Variants in SNED1 observed in about 807,000 individuals in gnomAD.
SNED1 encodes sushi, nidogen and EGF-like domain-containing protein 1.
Under a neutral mutation model 166.7 loss-of-function variants are expected in SNED1, and 81 were observed. That is an observed-to-expected ratio of 0.49 (90% CI 0.41 to 0.58). The LOEUF is 0.58. Ranked by LOEUF, SNED1 falls within the 20% of genes least tolerant of loss-of-function variation. The probability of loss-of-function intolerance (pLI) is 0.00; values close to 1 mark genes in which losing one functional copy is unlikely to be tolerated. For synonymous variants in SNED1, 762 were observed against 822.0 expected (o/e 0.93, Z 1.25); for missense variants, 1,604 against 2,000.2 (o/e 0.80, Z 3.78).
intron 29 of SNED1, 97 bp downstream of exon 29, chr2:241,082,461 G>A: frequency 1.2e-6 from 1 of 839,610 alleles, no homozygotes; most frequent in Non-Finnish European, 1.9e-6. Flanking sequence ...CCTGAGGAGG[G>A]ACGATGGCTG....
chr2:241,023,380 AGTT>A (rs1373645954), intron 1 of SNED1, among the ~76,000 whole-genome samples: 1 of 151,516 alleles, frequency 6.6e-6, no homozygotes, highest in Admixed American at 6.6e-5. Context: ...CTACTTTTTA[AGTT>A]GTTATTTCTA....
chr2:241,027,694 A>T (rs935721670), intron 1 of SNED1, among the ~76,000 whole-genome samples: 2 of 149,376 alleles, frequency 1.3e-5, no homozygotes, highest in Non-Finnish European at 3.0e-5. Flanking sequence ...AAGGGTTCCA[A>T]TTTCTCCACA....
Position 241,088,414 on chromosome 2 carries a change from C to G in SNED1, c.*1+12C>G. On this transcript the variant is annotated intron_variant, in intron 31 of 31. Coordinates refer to ENST00000310397, the MANE Select transcript of SNED1 (RefSeq NM_001080437.3). The stretch of plus-strand genomic sequence containing the variant: ...GGAGAAATCTTAAGGTACGTCCCTG[C>G]TGCTCCCGCCCCACTACCACAGAGC... 6.2e-7 allele frequency: 1 copy of G among 1,607,032 alleles called. No individual in the cohort carries two copies. The highest frequency in any genetic ancestry group is 8.5e-7 in the Non-Finnish European group (1 of 1,173,732).
chr2:241,060,950 A>T (rs2062211696), intron 16 of SNED1, among the ~76,000 whole-genome samples: 1 of 152,162 alleles, frequency 6.6e-6, no homozygotes, highest in Non-Finnish European at 1.5e-5. Context: ...AACCAAAAAA[A>T]ACTATATAAT....
intron 1 of SNED1, among the ~76,000 whole-genome samples, chr2:241,019,730 G>A (rs947053831): frequency 3.3e-5 from 5 of 152,164 alleles, no homozygotes; most frequent in Non-Finnish European, 5.9e-5. Context: ...CTGCACGAGC[G>A]GCCCAGGCTG....
rs146235973 is a variant in SNED1 at position 241,002,620 on chromosome 2, C to T, written c.213+3570C>T. ...GAGCCTGATGACTCCAGGTCAAGGC[C>T]ATGAGCCCAGGACAGCTGTGATCTG... On this transcript the variant is annotated intron_variant, in intron 1 of 31. Coordinates refer to ENST00000310397, the MANE Select transcript of SNED1 (RefSeq NM_001080437.3). Among the ~76,000 whole-genome samples, 200 of 152,188 alleles carry T rather than the reference C, an allele frequency of 1.3e-3. 2 individuals are homozygous for T. The highest frequency in any genetic ancestry group is 4.6e-3 in the African/African-American group (189 of 41,528).
chr2:241,003,248 A>T (rs181484672), intron 1 of SNED1, among the ~76,000 whole-genome samples: 1 of 151,634 alleles, frequency 6.6e-6, no homozygotes, highest in Non-Finnish European at 1.5e-5. Context: ...TGTGCACCCC[A>T]TGAAGGCAGG....
chr2:241,003,360 C>G (rs2060131147), intron 1 of SNED1, among the ~76,000 whole-genome samples: 1 of 152,196 alleles, frequency 6.6e-6, no homozygotes, highest in South Asian at 2.1e-4. Context: ...GTGAAGGACT[C>G]TCTCTTCCAC....
Position 240,999,243 on chromosome 2 carries a change from G to GGGCGGGGGCGGCAGCCGCCGGGCACCGA in SNED1, c.213+204_213+231dup, listed in dbSNP as rs2060003326. On this transcript the variant is annotated intron_variant, in intron 1 of 31. Coordinates refer to ENST00000310397, the MANE Select transcript of SNED1 (RefSeq NM_001080437.3). The surrounding 1 kb of genome is among the most constrained non-coding windows in gnomAD (Gnocchi z 5.8). Reference sequence around the variant, plus strand: ...GGCCCGCGGGAGAGGCGCGCGGGCGGGGCGGGGGCGGCAGCCGCCGGGCAC... The same window carrying GGGCGGGGGCGGCAGCCGCCGGGCACCGA: ...GGCCCGCGGGAGAGGCGCGCGGGCGGGGCGGGGGCGGCAGCCGCCGGGCACCGAGGCGGGGGCGGCAGCCGCCGGGCAC... Among the ~76,000 whole-genome samples the GGGCGGGGGCGGCAGCCGCCGGGCACCGA allele has an allele frequency of 6.7e-6, 1 of 149,880 alleles. No homozygotes were observed. Among genetic ancestry groups the GGGCGGGGGCGGCAGCCGCCGGGCACCGA allele is most frequent in the South Asian group, 2.1e-4 (1 of 4,812 alleles).
intron 9 of SNED1, 81 bp from the exon 10 acceptor site, chr2:241,048,581 C>T: frequency 6.7e-7 from 1 of 1,501,970 alleles, no homozygotes; most frequent in Non-Finnish European, 9.0e-7. Flanking sequence ...GGAAGTTGGC[C>T]AGGAGCAGGG....
intron 21 of SNED1, 82 bp from the exon 22 acceptor site, chr2:241,067,681 CA>C: frequency 8.0e-7 from 1 of 1,245,310 alleles, no homozygotes; most frequent in Non-Finnish European, 1.1e-6. Flanking sequence ...AGCACCCTCC[CA>C]AGCCTGGTTT....
chr2:241,089,464 T>C (rs2063766518), intron 31 of SNED1: 6 of 1,532,516 alleles, frequency 3.9e-6, no homozygotes, highest in Non-Finnish European at 5.3e-6. Flanking sequence ...AAAGGAAGAG[T>C]GTCCACACCC....
chr2:241,090,027 C>G (rs1487581053), intron 31 of SNED1: 2 of 1,547,416 alleles, frequency 1.3e-6, no homozygotes, highest in Non-Finnish European at 1.7e-6. Context: ...CTGGCAGTTG[C>G]ACAATAATAA....
At chr2:241,053,006 C>A in intron 15 of SNED1, 147 bp from the exon 16 acceptor site, 1 of 728,098 alleles carries the variant, frequency 1.4e-6, no homozygotes, top group Non-Finnish European at 2.2e-6. Context: ...CAACCAGGCC[C>A]CAGAAGTCGA....
Position 241,082,322 on chromosome 2 carries a change from C to G in SNED1, c.4079C>G (p.Thr1360Arg), listed in dbSNP as rs370194510. 1.9e-5 allele frequency: 30 copies of G among 1,613,580 alleles called. No individual in the cohort carries two copies. The highest frequency in any genetic ancestry group is 2.5e-5 in the Non-Finnish European group (30 of 1,179,630). Residue 1360 changes from threonine to arginine, a missense_variant, in exon 29 of 32, where the codon ACA becomes AGA. Thr to Arg is a moderately conservative substitution (Grantham distance 71). Coordinates refer to ENST00000310397, the MANE Select transcript of SNED1 (RefSeq NM_001080437.3). ...CCCTGCACAAGGCTGTTCTCCGAGA[C>G]AAAGGCCTTTCCAGTCTGGGAGGGA... ...SRPCTRLFSE[T>R]KAFPVWEGGV... is the part of the protein sequence containing the mutation.
chr2:241,007,204 G>A (rs2060244646), intron 1 of SNED1, among the ~76,000 whole-genome samples: 1 of 152,246 alleles, frequency 6.6e-6, no homozygotes, highest in Non-Finnish European at 1.5e-5. Flanking sequence ...TTAGGGTGCA[G>A]AGGGTCATGA....
intron 1 of SNED1, among the ~76,000 whole-genome samples, chr2:241,009,214 G>C (rs1367878011): frequency 6.6e-6 from 1 of 152,168 alleles, no homozygotes; most frequent in South Asian, 2.1e-4. Flanking sequence ...GGGTGACTGT[G>C]AGGAGGCCCC....
At chr2:241,023,335 A>G (rs150292049) in intron 1 of SNED1, among the ~76,000 whole-genome samples, 8 of 151,380 alleles carry the variant, frequency 5.3e-5, no homozygotes, top group African/African-American at 1.9e-4. Flanking sequence ...TTTTGCCTCC[A>G]TTTCCTGGTG....
At chr2:241,089,417 A>G in intron 31 of SNED1, 1 of 1,550,158 alleles carries the variant, frequency 6.5e-7, no homozygotes, top group Non-Finnish European at 8.7e-7. Flanking sequence ...AACAAACAGA[A>G]GCAAAACAGC....
Sources: gnomAD v4.1 joint callset for allele counts (sites outside exome capture counted in the v4.1 genomes callset) on GRCh38, gnomAD v4.1.1 for gene constraint, Gnocchi (gnomAD v3.1) non-coding constraint, MANE v1.5 for transcripts, NCBI Gene and HGNC (gene_info 2026-07-23, HGNC 2026-07-21) for gene names.